SLC16A10: variants seen among roughly 807,000 people sequenced by gnomAD.
SLC16A10 encodes solute carrier family 16 member 10, also known as monocarboxylate transporter 10.
SLC16A10 carries 27 observed loss-of-function variants against 40.0 expected under a neutral mutation model. The ratio of observed to expected loss-of-function variants is 0.67; its 90% CI spans 0.50 to 0.93. The LOEUF is 0.93. SLC16A10 is among the 40% of genes least tolerant of loss of function. The pLI is 0.00. For missense variants in SLC16A10, 529 were observed against 658.2 expected (o/e 0.80, Z 2.15); for synonymous variants, 213 against 249.8 (o/e 0.85, Z 1.39).
chr6:111,087,870 G>A lies in SLC16A10; in HGVS notation c.118G>A (p.Glu40Lys). ...CGGCCCGGGACCCTCGGACAGCCCC[G>A]AGGCGGCTGTCGAGAAGGTGGAGGT... ...PPGPGPSDSP[E>K]AAVEKVEVEL... The change falls in exon 1 of 6, where the codon GAG becomes AAG. Residue 40 changes from glutamate to lysine, a missense_variant. Physicochemically the swap from Glu to Lys is moderately conservative, Grantham distance 56 (BLOSUM62 1). Coordinates refer to ENST00000368851, the MANE Select transcript of SLC16A10 (RefSeq NM_018593.5). The A allele has an allele frequency of 2.0e-6, 3 of 1,518,096 alleles. No homozygotes were observed. Among genetic ancestry groups the A allele is most frequent in the Non-Finnish European group, 1.8e-6 (2 of 1,136,544 alleles). The allele number at this position is 1,518,096 out of a possible 1,614,324, so 94.0% of individuals were successfully genotyped here. A position where few individuals can be genotyped will look rare whatever the true frequency, so the allele number is the denominator to read the frequency against.
At chr6:111,177,120 A>C (rs1211606739) in intron 2 of SLC16A10, 92 bp from the exon 3 acceptor site, 2 of 942,296 alleles carry the variant, frequency 2.1e-6, no homozygotes, top group Admixed American at 6.4e-5. Context: ...ATGTTGATGA[A>C]CAAAAACCCA....
intron 1 of SLC16A10, among the ~76,000 whole-genome samples, chr6:111,166,778 C>T (rs1381774087): frequency 1.3e-5 from 2 of 152,192 alleles, no homozygotes; most frequent in Non-Finnish European, 2.9e-5. Context: ...TTGCATCCTG[C>T]TTTTGTCATA....
At chr6:111,209,484 C>T (rs1773308404) in intron 4 of SLC16A10, among the ~76,000 whole-genome samples, 1 of 152,090 alleles carries the variant, frequency 6.6e-6, no homozygotes, top group African/African-American at 2.4e-5. Context: ...AAAAAATTTT[C>T]ACCCAACCTA....
chr6:111,171,225 A>G (rs1268344090), intron 1 of SLC16A10, among the ~76,000 whole-genome samples: 1 of 152,248 alleles, frequency 6.6e-6, no homozygotes, highest in Non-Finnish European at 1.5e-5. Flanking sequence ...ATATTTGGCC[A>G]ATCAGCTCCT....
chr6:111,222,141 G>A lies in SLC16A10; in HGVS notation c.1454G>A (p.Gly485Glu). The change falls in exon 6 of 6, where the codon GGA becomes GAA. Residue 485 changes from glycine (G) to glutamate (E), a missense_variant. Coordinates refer to ENST00000368851, the MANE Select transcript of SLC16A10 (RefSeq NM_018593.5). ...KKQREISKTTGKEKMEKMLEN... is the reference protein window; with the variant it reads ...KKQREISKTTEKEKMEKMLEN... ...CAAAGAGAGATCAGTAAAACCACTG[G>A]AAAAGAAAAGATGGAGAAAATGTTG... The A allele has an allele frequency of 6.2e-7, 1 of 1,607,366 alleles. No homozygotes were observed. The highest frequency in any genetic ancestry group is 8.5e-7 in the Non-Finnish European group (1 of 1,178,366).
intron 1 of SLC16A10, among the ~76,000 whole-genome samples, chr6:111,090,460 A>G (rs893656316): frequency 2.6e-5 from 4 of 152,234 alleles, no homozygotes; most frequent in African/African-American, 7.2e-5. Flanking sequence ...AACAATGGCC[A>G]TTACTTGGGT....
intron 4 of SLC16A10, among the ~76,000 whole-genome samples, chr6:111,215,228 G>A (rs185807257): frequency 3.9e-4 from 59 of 152,034 alleles, no homozygotes; most frequent in African/African-American, 1.3e-3. Context: ...GAACAAAAAC[G>A]TGAAGAGGCC....
At chr6:111,209,498 G>T (rs775479872) in intron 4 of SLC16A10, among the ~76,000 whole-genome samples, 9 of 152,104 alleles carry the variant, frequency 5.9e-5, no homozygotes, top group African/African-American at 4.8e-5. Flanking sequence ...CAACCTACCT[G>T]CCCTTGCCCC....
chr6:111,091,829 A>G (rs1347454286), intron 1 of SLC16A10, among the ~76,000 whole-genome samples: 1 of 152,224 alleles, frequency 6.6e-6, no homozygotes, highest in Non-Finnish European at 1.5e-5. Context: ...TTCTCTTTAT[A>G]CAAATGTTTA....
intron 1 of SLC16A10, among the ~76,000 whole-genome samples, chr6:111,116,818 G>A (rs576529567): frequency 6.6e-6 from 1 of 152,044 alleles, no homozygotes; most frequent in East Asian, 1.9e-4. Flanking sequence ...AATTCGTTGT[G>A]GGCAGCCAGA....
At chr6:111,124,458 C>A (rs899258444) in intron 1 of SLC16A10, among the ~76,000 whole-genome samples, 1 of 151,798 alleles carries the variant, frequency 6.6e-6, no homozygotes, top group Non-Finnish European at 1.5e-5. Flanking sequence ...ACCTCCCAGG[C>A]TCAAGTGACC....
chr6:111,098,539 A>T (rs1282126029), intron 1 of SLC16A10, among the ~76,000 whole-genome samples: 1 of 152,204 alleles, frequency 6.6e-6, no homozygotes, highest in Admixed American at 6.5e-5. Context: ...CAATTTTGAG[A>T]TGTGTTTTAA....
intron 3 of SLC16A10, among the ~76,000 whole-genome samples, chr6:111,203,959 A>G: frequency 6.6e-6 from 1 of 152,148 alleles, no homozygotes; most frequent in East Asian, 1.9e-4. Context: ...CATAAAAAAA[A>G]AGATGCCTGG....
chr6:111,132,505 C>T (rs1474352840), intron 1 of SLC16A10, among the ~76,000 whole-genome samples: 6 of 152,180 alleles, frequency 3.9e-5, no homozygotes, highest in East Asian at 1.9e-4. Context: ...GGCATTCAGT[C>T]GGTAGCGGCA....
chr6:111,219,620 A>G (rs1298856166), intron 5 of SLC16A10, among the ~76,000 whole-genome samples: 4 of 151,230 alleles, frequency 2.6e-5, no homozygotes, highest in African/African-American at 7.3e-5. Flanking sequence ...GAAAAATAAC[A>G]TGATAGAAAA....
intron 3 of SLC16A10, among the ~76,000 whole-genome samples, chr6:111,187,204 A>G (rs1265510196): frequency 4.6e-5 from 7 of 152,180 alleles, no homozygotes; most frequent in Admixed American, 3.3e-4. Flanking sequence ...TTAGTCTACA[A>G]GATGCTTCCA....
chr6:111,106,158 C>T (rs919374244), intron 1 of SLC16A10, among the ~76,000 whole-genome samples: 3 of 152,152 alleles, frequency 2.0e-5, no homozygotes, highest in Non-Finnish European at 4.4e-5. Flanking sequence ...CCAATTAAAG[C>T]ATTTTTCTCC....
At chr6:111,099,349 T>G (rs975636774) in intron 1 of SLC16A10, among the ~76,000 whole-genome samples, 1 of 152,224 alleles carries the variant, frequency 6.6e-6, no homozygotes, top group African/African-American at 2.4e-5. Flanking sequence ...TGGGTCCTGC[T>G]CTGCTGCCCA....
At chr6:111,131,871 A>G (rs1281615326) in intron 1 of SLC16A10, among the ~76,000 whole-genome samples, 1 of 152,174 alleles carries the variant, frequency 6.6e-6, no homozygotes, top group Non-Finnish European at 1.5e-5. Context: ...CTTCTGACCT[A>G]TACCTCTTGG....
Sources: allele counts gnomAD v4.1 joint callset (sites outside exome capture counted in the v4.1 genomes callset), GRCh38; gene constraint gnomAD v4.1.1; transcripts MANE v1.5; gene names NCBI Gene and HGNC (gene_info 2026-07-23, HGNC 2026-07-21).